Variants in KCNC4 observed in about 807,000 individuals in gnomAD.
KCNC4 encodes the protein voltage-gated potassium channel KCNC4.
KCNC4 carries 23 observed loss-of-function variants against 42.8 expected under a neutral mutation model. The ratio of observed to expected loss-of-function variants is 0.54; its 90% CI spans 0.39 to 0.76. The LOEUF is 0.76. Among genes scored for constraint, KCNC4 ranks in the 30% least tolerant of loss-of-function variants. The probability of loss-of-function intolerance (pLI) is 0.00; values close to 1 mark genes in which losing one functional copy is unlikely to be tolerated. For synonymous variants in KCNC4, 422 were observed against 393.5 expected (o/e 1.07, Z -0.86); for missense variants, 751 against 898.2 (o/e 0.84, Z 2.10).
At chr1:110,214,273 C>CAAAG (rs965430624) in intron 1 of KCNC4, among the ~76,000 whole-genome samples, 4 of 152,124 alleles carry the variant, frequency 2.6e-5, no homozygotes, top group African/African-American at 9.7e-5. Context: ...AGTTTCTTGC[C>CAAAG]AAAGACATTT....
intron 2 of KCNC4, 39 bp from the exon 3 acceptor site, chr1:110,225,936 C>G (rs368382126): frequency 2.0e-6 from 3 of 1,532,194 alleles, no homozygotes; most frequent in Non-Finnish European, 1.8e-6. Context: ...AGGCTCAGGT[C>G]GCCCCTCATG....
At chr1:110,280,227 G>A (rs1659798108) in intron 1 of KCNC4, among the ~76,000 whole-genome samples, 1 of 152,160 alleles carries the variant, frequency 6.6e-6, no homozygotes, top group Non-Finnish European at 1.5e-5. Flanking sequence ...GCCTATGATG[G>A]CCAGCTAGAG....
chr1:110,236,533 A>T (rs1658911327), downstream of KCNC4: 1 of 152,266 alleles, frequency 6.6e-6, no homozygotes, highest in Non-Finnish European at 1.5e-5. Flanking sequence ...GAAGTGAATC[A>T]TTAAACTCAC....
intron 1 of KCNC4, chr1:110,272,383 G>C (rs1659650583): frequency 6.6e-6 from 1 of 152,194 alleles, no homozygotes. Flanking sequence ...GATGCTTCTT[G>C]AACAAGCTGC....
At position 110,211,736 on chromosome 1, in the gene KCNC4, C is replaced by T. The variant is rs749209326; in HGVS notation, c.237C>T (p.Gly79=). The T allele has an allele frequency of 4.4e-6, 7 of 1,608,914 alleles. No homozygotes were observed. Among genetic ancestry groups the T allele is most frequent in the Middle Eastern group, 1.7e-4 (1 of 5,728 alleles). Residue 79 remains glycine (G), a synonymous_variant, in exon 1 of 4, where the codon GGC becomes GGT. Transcript: ENST00000438661. This position sits in a 1 kb window ranked among gnomAD's most constrained non-coding sequence, Gnocchi z 6.5. ...DGGGRPETDG[G]GVGSSGSSGG... ...GGGGCCGGCCCGAGACCGATGGCGG[C>T]GGTGTGGGTAGCAGCGGCAGCAGCG...
intron 1 of KCNC4, among the ~76,000 whole-genome samples, chr1:110,269,549 T>C (rs149453996): frequency 3.5e-4 from 53 of 152,340 alleles, no homozygotes; most frequent in Middle Eastern, 3.4e-3. Context: ...AGTTCACCAG[T>C]TGAAGGACAT....
downstream of KCNC4, among the ~76,000 whole-genome samples, chr1:110,253,825 G>C (rs911408870): frequency 9.2e-5 from 14 of 152,208 alleles, no homozygotes; most frequent in African/African-American, 3.1e-4. Flanking sequence ...AGCATCTCAA[G>C]TGAAGCTCTG....
intron 1 of KCNC4, among the ~76,000 whole-genome samples, chr1:110,212,995 T>C (rs1177743120): frequency 6.6e-6 from 1 of 151,936 alleles, no homozygotes; most frequent in Non-Finnish European, 1.5e-5. Context: ...AAACTGTCTT[T>C]CCAGAAAGCC....
chr1:110,232,502 G>A, intron 3 of KCNC4: 1 of 1,438,736 alleles, frequency 7.0e-7, no homozygotes, highest in Non-Finnish European at 9.1e-7. Context: ...CTGCCTCCAT[G>A]CAAGGCTGCA....
chr1:110,237,657 C>CA (rs898361392), downstream of KCNC4: 1 of 152,214 alleles, frequency 6.6e-6, no homozygotes, highest in Non-Finnish European at 1.5e-5. Flanking sequence ...GTGGCACACA[C>CA]AGCTAGTTAG....
rs565972794 is a variant in KCNC4 at position 110,210,936 on chromosome 1, A to G, written c.-564A>G. The stretch of plus-strand genomic sequence containing the variant: ...CCGCCGCCGCCTCGTGTTGACCGCA[A>G]GCAGCCCGGGCCCACGGAGCTCCGG... On this transcript the variant is annotated 5_prime_UTR_variant, in exon 1 of 4. Coordinates refer to ENST00000438661, the MANE Select transcript of KCNC4 (RefSeq NM_001039574.3). Among the ~76,000 whole-genome samples the G allele has an allele frequency of 6.6e-6, 1 of 152,136 alleles. No homozygotes were observed. The highest frequency in any genetic ancestry group is 2.1e-4 in the South Asian group (1 of 4,822).
intron 1 of KCNC4, among the ~76,000 whole-genome samples, chr1:110,267,917 G>A (rs1659571074): frequency 6.6e-6 from 1 of 152,176 alleles, no homozygotes; most frequent in South Asian, 2.1e-4. Flanking sequence ...CGTAATACAT[G>A]GTTAGAATCA....
intron 1 of KCNC4, among the ~76,000 whole-genome samples, chr1:110,273,668 G>A (rs1659672144): frequency 6.6e-6 from 1 of 152,234 alleles, no homozygotes; most frequent in Non-Finnish European, 1.5e-5. Context: ...GGAGCATTGA[G>A]GAATGTGGGT....
At chr1:110,275,778 G>A (rs1360871378) in intron 1 of KCNC4, among the ~76,000 whole-genome samples, 1 of 151,970 alleles carries the variant, frequency 6.6e-6, no homozygotes, top group African/African-American at 2.4e-5. Flanking sequence ...CTAACACAGT[G>A]AAACCCCGTC....
intron 1 of KCNC4, among the ~76,000 whole-genome samples, chr1:110,255,222 T>G (rs186044329): frequency 6.6e-6 from 1 of 152,080 alleles, no homozygotes; most frequent in Non-Finnish European, 1.5e-5. Context: ...ATCGTCGGAG[T>G]TGGACAAACA....
At chr1:110,240,448 A>G (rs1659007228) in exon 4 of KCNC4, 1 of 152,320 alleles carries the variant, frequency 6.6e-6, no homozygotes, top group Non-Finnish European at 1.5e-5. Flanking sequence ...TGAGCCCCTG[A>G]TCCAAGGACG....
chr1:110,228,426 G>GC (rs2101031587), intron 3 of KCNC4: 1 of 152,650 alleles, frequency 6.6e-6, no homozygotes, highest in Non-Finnish European at 1.5e-5. Flanking sequence ...GTCAAGGAGG[G>GC]CCAGGCCCCT....
chr1:110,249,183 A>G (rs1659207554), downstream of KCNC4: 1 of 152,228 alleles, frequency 6.6e-6, no homozygotes, highest in Non-Finnish European at 1.5e-5. Flanking sequence ...GCTTCTCACC[A>G]TCTGGACACA....
chr1:110,263,155 G>T (rs1263460752), intron 1 of KCNC4, among the ~76,000 whole-genome samples: 1 of 152,222 alleles, frequency 6.6e-6, no homozygotes, highest in East Asian at 1.9e-4. Context: ...GGTCAGCAGT[G>T]GTGGGGCTTT....
Sources: gnomAD v4.1 joint callset for allele counts (sites outside exome capture counted in the v4.1 genomes callset) on GRCh38, gnomAD v4.1.1 for gene constraint, Gnocchi (gnomAD v3.1) non-coding constraint, MANE v1.5 for transcripts, NCBI Gene and HGNC (gene_info 2026-07-23, HGNC 2026-07-21) for gene names.